The following ADAMTSL1 variants were observed in gnomAD, a reference collection of about 807,000 sequenced individuals.
ADAMTSL1 encodes ADAMTS-like protein 1.
In ADAMTSL1, 126 loss-of-function variants were observed where a neutral mutation model predicts 201.8. The ratio of observed to expected loss-of-function variants is 0.62; its 90% CI spans 0.54 to 0.72. The LOEUF (loss-of-function observed/expected upper bound fraction) is 0.72, where lower values mean the gene tolerates loss of function less well. Ranked by LOEUF, ADAMTSL1 falls within the 30% of genes least tolerant of loss-of-function variation. ADAMTSL1 has a pLI of 0.00. For synonymous variants in ADAMTSL1, 1,121 were observed against 903.4 expected, an observed-to-expected ratio of 1.24 and a Z score of -4.32; for missense variants, 2,679 against 2,277.8, an observed-to-expected ratio of 1.18 and a Z score of -3.59.
chr9:18,289,678 G>C lies in ADAMTSL1; in HGVS notation c.207+125697G>C, dbSNP rs139030187. On this transcript the variant is annotated intron_variant, in intron 2 of 29. Coordinates refer to the ADAMTSL1 transcript ENST00000680146. ...GCTATGATAGGTATGATCATGTTGAGGAGGAAAGGATGACAAAATGATCTT... is the reference window on the plus strand; with the variant it reads ...GCTATGATAGGTATGATCATGTTGACGAGGAAAGGATGACAAAATGATCTT... Among the ~76,000 whole-genome samples, 178 of 152,304 alleles carry C rather than the reference G, an allele frequency of 1.2e-3. 1 individual carries two copies. Among genetic ancestry groups the C allele is most frequent in the African/African-American group, 4.0e-3 (167 of 41,574 alleles).
chr9:18,211,016 G>A (rs1009827218), intron 2 of ADAMTSL1, among the ~76,000 whole-genome samples: 1 of 151,936 alleles, frequency 6.6e-6, no homozygotes, highest in African/African-American at 2.4e-5. Flanking sequence ...GTGGGTCTGA[G>A]GAAGTGATAT....
chr9:18,749,983 G>A (rs1293700908), intron 15 of ADAMTSL1, among the ~76,000 whole-genome samples: 1 of 152,174 alleles, frequency 6.6e-6, no homozygotes, highest in Admixed American at 6.5e-5. Context: ...GGGAAGTGAG[G>A]ATGTAAAGCC....
At chr9:18,860,275 C>T (rs1827127506) in intron 23 of ADAMTSL1, among the ~76,000 whole-genome samples, 1 of 152,156 alleles carries the variant, frequency 6.6e-6, no homozygotes, top group Non-Finnish European at 1.5e-5. Context: ...TTTACTAGGC[C>T]ATTTGTTCTC....
intron 15 of ADAMTSL1, chr9:18,723,378 T>C: frequency 2.3e-6 from 1 of 431,390 alleles, no homozygotes; most frequent in East Asian, 4.7e-5. Flanking sequence ...GCTGAGGCAG[T>C]GCCGAGGAGT....
chr9:18,775,735 T>C lies in ADAMTSL1; in HGVS notation c.2398-8T>C, dbSNP rs774173371. The C allele has an allele frequency of 6.2e-7, 1 of 1,611,974 alleles. No homozygotes were observed. The highest frequency in any genetic ancestry group is 8.5e-7 in the Non-Finnish European group (1 of 1,179,084). On this transcript the variant is annotated splice_polypyrimidine_tract_variant and splice_region_variant and intron_variant, in intron 17 of 28. Coordinates refer to ENST00000380548, the MANE Select transcript of ADAMTSL1 (RefSeq NM_001040272.6). ...TTTATGTGCATTTGGCCTTTCTTTC[T>C]CCACCAGTGTTCCACAAGCTGCGGG...
chr9:18,850,580 A>G (rs182138550), intron 23 of ADAMTSL1, among the ~76,000 whole-genome samples: 1 of 152,340 alleles, frequency 6.6e-6, no homozygotes, highest in Non-Finnish European at 1.5e-5. Flanking sequence ...AGGGCACCTC[A>G]GTCAGAAAAG....
At chr9:18,414,447 T>A (rs1349659954) in intron 2 of ADAMTSL1, among the ~76,000 whole-genome samples, 1 of 152,162 alleles carries the variant, frequency 6.6e-6, no homozygotes, top group African/African-American at 2.4e-5. Context: ...CTGGACAAGA[T>A]GGAGTAACAG....
At chr9:18,829,702 A>G (rs1824852710) in intron 22 of ADAMTSL1, 141 bp from the exon 23 acceptor site, 1 of 1,189,430 alleles carries the variant, frequency 8.4e-7, no homozygotes, top group Non-Finnish European at 1.2e-6. Context: ...TATAGGAAAA[A>G]TAATGTTAAA....
chr9:18,705,912 C>A lies in ADAMTSL1; in HGVS notation c.1575-835C>A, dbSNP rs150684647. Reference sequence around the variant, plus strand: ...AGGCACAAGTGATGGAGTCACAGGGCAAACCCCAAAACTGAGGTCCAGCCT... The same window carrying A: ...AGGCACAAGTGATGGAGTCACAGGGAAAACCCCAAAACTGAGGTCCAGCCT... On this transcript the variant is annotated intron_variant, in intron 13 of 28. Transcript: ENST00000380548. Among the ~76,000 whole-genome samples the A allele has an allele frequency of 1.2e-3, 186 of 152,280 alleles. 1 individual carries two copies. The highest frequency in any genetic ancestry group is 4.3e-3 in the African/African-American group (179 of 41,582).
At chr9:18,442,764 G>T (rs10125046) in intron 2 of ADAMTSL1, among the ~76,000 whole-genome samples, 3,858 of 152,294 alleles carry the variant, frequency 0.025, 162 homozygotes, top group African/African-American at 0.089. Flanking sequence ...GCTCCTGACA[G>T]CTGGCTTTGC....
intron 2 of ADAMTSL1, among the ~76,000 whole-genome samples, chr9:18,275,802 A>G (rs1221467373): frequency 6.6e-6 from 1 of 152,116 alleles, no homozygotes; most frequent in African/African-American, 2.4e-5. Flanking sequence ...GACTATTATT[A>G]ATAAAACTGT....
chr9:18,177,391 G>T (rs1828216916), intron 2 of ADAMTSL1, among the ~76,000 whole-genome samples: 1 of 152,150 alleles, frequency 6.6e-6, no homozygotes, highest in Admixed American at 6.6e-5. Flanking sequence ...TGACACTGAT[G>T]GAAATGTGGC....
intron 1 of ADAMTSL1, among the ~76,000 whole-genome samples, chr9:17,935,022 A>G (rs893671507): frequency 6.6e-6 from 1 of 150,764 alleles, no homozygotes; most frequent in African/African-American, 2.4e-5. Flanking sequence ...TATTATGGTT[A>G]TTTTCTATTT....
chr9:18,734,453 A>G (rs547913678), intron 15 of ADAMTSL1, among the ~76,000 whole-genome samples: 1 of 152,288 alleles, frequency 6.6e-6, no homozygotes, highest in Non-Finnish European at 1.5e-5. Context: ...GGCATTTTCT[A>G]CTGGTTAAGA....
At position 18,635,797 on chromosome 9, in the gene ADAMTSL1, G is replaced by A. The variant is rs544197516; in HGVS notation, c.602-146G>A. ...TTATTTTGAGCAAAGTGAAAATGTT[G>A]ATTTCTAAATATTGGCCTTCACATT... On this transcript the variant is annotated intron_variant, in intron 5 of 28. Transcript: ENST00000380548. The A allele has an allele frequency of 4.1e-5, 25 of 610,266 alleles. No individual in the cohort carries two copies. The African/African-American group carries it at 4.5e-4, about 11-fold the overall frequency. The allele number at this position is 610,266 out of a possible 1,614,324, so 37.8% of individuals were successfully genotyped here. A position where few individuals can be genotyped will look rare whatever the true frequency, so the allele number is the denominator to read the frequency against.
rs187909897 is a variant in ADAMTSL1 at position 18,317,653 on chromosome 9, C to T, written c.207+153672C>T. Among the ~76,000 whole-genome samples, 836 of 152,280 alleles carry T rather than the reference C, an allele frequency of 5.5e-3. 8 individuals carry two copies. Among genetic ancestry groups the T allele is most frequent in the African/African-American group, 0.019 (807 of 41,550 alleles). ...AAAGCCTGCTAAAAGGCCTTTAGTC[C>T]CCATCTTCACCAGACTATTTACTTC... On this transcript the variant is annotated intron_variant, in intron 2 of 29. Coordinates refer to the ADAMTSL1 transcript ENST00000680146.
chr9:18,780,554 T>C (rs1034891857), intron 19 of ADAMTSL1, among the ~76,000 whole-genome samples: 13 of 152,192 alleles, frequency 8.5e-5, no homozygotes, highest in African/African-American at 3.1e-4. Context: ...AAAAGGGCTA[T>C]AAAACAATTC....
intron 1 of ADAMTSL1, among the ~76,000 whole-genome samples, chr9:18,013,773 T>C (rs1820147132): frequency 6.6e-6 from 1 of 152,018 alleles, no homozygotes; most frequent in African/African-American, 2.4e-5. Flanking sequence ...AGGTAAGCAT[T>C]TAATTGTAAC....
intron 23 of ADAMTSL1, among the ~76,000 whole-genome samples, chr9:18,830,308 A>G (rs974748640): frequency 7.2e-5 from 11 of 152,130 alleles, no homozygotes; most frequent in Non-Finnish European, 1.3e-4. Context: ...AACAGCTCCT[A>G]TATCTCCTCT....
Sources: allele counts gnomAD v4.1 joint callset (sites outside exome capture counted in the v4.1 genomes callset), GRCh38; gene constraint gnomAD v4.1.1; transcripts MANE v1.5; gene names NCBI Gene and HGNC (gene_info 2026-07-23, HGNC 2026-07-21).